The following TRIM2 variants were observed in gnomAD, a reference collection of about 807,000 sequenced individuals.
TRIM2 encodes the protein tripartite motif containing 2.
A neutral mutation model predicts 75.2 loss-of-function variants in TRIM2; 20 were observed. That is an observed-to-expected ratio of 0.27 (90% CI 0.19 to 0.39). The LOEUF is 0.39. Among genes scored for constraint, TRIM2 ranks in the 10% least tolerant of loss-of-function variants. TRIM2 has a pLI of 1.00. For missense variants in TRIM2, 660 were observed against 990.8 expected, an observed-to-expected ratio of 0.67 and a Z score of 4.48; for synonymous variants, 373 against 388.3, an observed-to-expected ratio of 0.96 and a Z score of 0.46.
At chr4:153,152,406 G>GTATA (rs1421478817), upstream of TRIM2, 230 of 33,610 alleles carry the variant, frequency 6.8e-3, no homozygotes, top group Middle Eastern at 0.014. Context: ...ATATATATGT[G>GTATA]TGTATATATA....
intron 8 of TRIM2, among the ~76,000 whole-genome samples, chr4:153,320,729 T>C (rs1341098517): frequency 1.3e-5 from 2 of 151,994 alleles, no homozygotes; most frequent in African/African-American, 4.8e-5. Context: ...ATCTCCCAGG[T>C]TCAAGTGATT....
chr4:153,221,899 G>A (rs796421606), intron 1 of TRIM2, among the ~76,000 whole-genome samples: 58 of 104,590 alleles, frequency 5.5e-4, no homozygotes, highest in East Asian at 2.3e-3. Context: ...AGGAAGGAGG[G>A]AGGAAGGAAG....
intron 3 of TRIM2, among the ~76,000 whole-genome samples, chr4:153,285,366 T>G (rs751270127): frequency 6.8e-4 from 104 of 152,224 alleles, no homozygotes; most frequent in Non-Finnish European, 1.2e-3. Flanking sequence ...AATTGGTAAC[T>G]ATGAGTCCTC....
At chr4:153,167,558 A>C (rs1197497239) in intron 1 of TRIM2, among the ~76,000 whole-genome samples, 1 of 152,228 alleles carries the variant, frequency 6.6e-6, no homozygotes, top group Non-Finnish European at 1.5e-5. Context: ...CTCAGTTTTC[A>C]TGTTTGACTT....
intron 6 of TRIM2, chr4:153,307,985 G>A (rs927981759): frequency 1.3e-6 from 1 of 759,498 alleles, no homozygotes; most frequent in African/African-American, 1.7e-5. Flanking sequence ...GAATACACTG[G>A]ACCAGGTTCA....
At chr4:153,154,514 C>A (rs1416597420) in intron 1 of TRIM2, among the ~76,000 whole-genome samples, 1 of 152,192 alleles carries the variant, frequency 6.6e-6, no homozygotes, top group African/African-American at 2.4e-5. Flanking sequence ...TAACTCCTAG[C>A]CTAAGAGATA....
At position 153,292,502 on chromosome 4, in the gene TRIM2, G is replaced by A. The variant is rs1215412749; in HGVS notation, c.454-480G>A. Among the ~76,000 whole-genome samples, 5 of 151,956 alleles carry A rather than the reference G, an allele frequency of 3.3e-5. 1 individual carries two copies. The highest frequency in any genetic ancestry group is 1.5e-5 in the Non-Finnish European group (1 of 67,990). ...AGACAGAGTCTCGCTATGTTTCCCA[G>A]GCTGGTCTTAACTCCTGGCCTCGAG... On this transcript the variant is annotated intron_variant, in intron 3 of 11. Coordinates refer to ENST00000338700, the MANE Select transcript of TRIM2 (RefSeq NM_015271.5).
intron 1 of TRIM2, among the ~76,000 whole-genome samples, chr4:153,210,418 C>T (rs1438030292): frequency 6.6e-6 from 1 of 152,140 alleles, no homozygotes; most frequent in Admixed American, 6.5e-5. Context: ...GCTGAGGAGT[C>T]TCTTTCGCAG....
chr4:153,326,133 T>C (rs1770109984), intron 10 of TRIM2, among the ~76,000 whole-genome samples: 1 of 152,224 alleles, frequency 6.6e-6, no homozygotes, highest in Admixed American at 6.5e-5. Flanking sequence ...AAATATTTAT[T>C]GTAAAAAGCA....
Position 153,322,712 on chromosome 4 carries a change from T to C in TRIM2, c.1847T>C (p.Ile616Thr). 6.2e-7 allele frequency: 1 copy of C among 1,614,222 alleles called. No homozygotes were observed. The highest frequency in any genetic ancestry group is 8.5e-7 in the Non-Finnish European group (1 of 1,180,040). ...KGVSVDRNGH[I>T]IVVDNKACCV... ...GTTTCTGTGGACCGCAATGGGCACA[T>C]TATTGTTGTGGACAACAAGGCGTGC... is the stretch of plus-strand genomic sequence containing the variant. The change falls in exon 9 of 12, where the codon ATT (isoleucine) becomes ACT (threonine). Residue 616 changes from isoleucine (I) to threonine (T), a missense_variant. Transcript: ENST00000338700.
chr4:153,190,858 ACCCC>A (rs1184682804), intron 1 of TRIM2, among the ~76,000 whole-genome samples: 7 of 151,918 alleles, frequency 4.6e-5, no homozygotes, highest in Non-Finnish European at 8.8e-5. Context: ...CTGCCTCAGC[ACCCC>A]GGGTAGCTGG....
chr4:153,180,814 AC>A (rs1166736340), intron 1 of TRIM2, among the ~76,000 whole-genome samples: 1 of 152,222 alleles, frequency 6.6e-6, no homozygotes, highest in Non-Finnish European at 1.5e-5. Flanking sequence ...TGGGAAAAGT[AC>A]TAACACTCCT....
At position 153,336,709 on chromosome 4, in the gene TRIM2, A is replaced by C; in HGVS notation, c.*1743A>C. ...TTAATTTATAATTCAGTCATTCTCT[A>C]TATAGGACTTCTTAAAATTTAGAAG... On this transcript the variant is annotated 3_prime_UTR_variant, in exon 12 of 12. Coordinates refer to ENST00000338700, the MANE Select transcript of TRIM2 (RefSeq NM_015271.5). 1 of 985,054 alleles carries C rather than the reference A, an allele frequency of 1.0e-6. No individual in the cohort carries two copies. Among genetic ancestry groups the C allele is most frequent in the Non-Finnish European group, 1.2e-6 (1 of 829,186 alleles). 61.0% of individuals were successfully genotyped at this position (985,054 alleles called of 1,614,324 possible). A position where few individuals can be genotyped will look rare whatever the true frequency, so the allele number is the denominator to read the frequency against.
Position 153,336,280 on chromosome 4 carries a change from T to A in TRIM2, c.*1314T>A. ...TAGTGGAGCAAGCCCTAAAGCAGAT[T>A]TAATTTTTGCCATTTTCCAAGAATG... On this transcript the variant is annotated 3_prime_UTR_variant, in exon 12 of 12. Coordinates refer to ENST00000338700, the MANE Select transcript of TRIM2 (RefSeq NM_015271.5). 1.0e-6 allele frequency: 1 copy of A among 985,330 alleles called. No individual in the cohort carries two copies. Among genetic ancestry groups the A allele is most frequent in the Non-Finnish European group, 1.2e-6 (1 of 829,848 alleles). The allele number at this position is 985,330 out of a possible 1,614,324, so 61.0% of individuals were successfully genotyped here. A position where few individuals can be genotyped will look rare whatever the true frequency, so the allele number is the denominator to read the frequency against.
rs1219273803 is a variant in TRIM2, at chr4:153,336,855, TA to T, written c.*1895del. ...ATATTTTTTTAGTTAGGTAGAGTTT[TA>T]AAAAATACTTGAGCCTGTCCGTGAT... is the stretch of plus-strand genomic sequence containing the variant. On this transcript the variant is annotated 3_prime_UTR_variant, in exon 12 of 12. Transcript: ENST00000338700. The T allele has an allele frequency of 1.0e-6, 1 of 985,268 alleles. No homozygotes were observed. The highest frequency in any genetic ancestry group is 1.2e-6 in the Non-Finnish European group (1 of 829,512). 61.0% of individuals were successfully genotyped at this position (985,268 alleles called of 1,614,324 possible).
chr4:153,261,547 T>A (rs1033554928), intron 1 of TRIM2, among the ~76,000 whole-genome samples: 1 of 152,196 alleles, frequency 6.6e-6, no homozygotes, highest in African/African-American at 2.4e-5. Flanking sequence ...TTTAGGATGA[T>A]GTATAATCAA....
intron 6 of TRIM2, chr4:153,307,659 A>G (rs1409389271): frequency 2.2e-6 from 1 of 462,082 alleles, no homozygotes; most frequent in Non-Finnish European, 4.1e-6. Flanking sequence ...CGTCATCCTC[A>G]CAGGAACAGC....
chr4:153,229,895 C>T (rs2149795773), intron 1 of TRIM2, among the ~76,000 whole-genome samples: 1 of 152,294 alleles, frequency 6.6e-6, no homozygotes, highest in Admixed American at 6.5e-5. Context: ...CGTTCAAGTC[C>T]CTTGGATAAA....
intron 1 of TRIM2, among the ~76,000 whole-genome samples, chr4:153,217,872 T>C (rs1165777910): frequency 6.6e-6 from 1 of 152,168 alleles, no homozygotes; most frequent in Non-Finnish European, 1.5e-5. Flanking sequence ...TGTACAAAGA[T>C]CATGAATAGG....
Sources: gnomAD v4.1 joint callset for allele counts (sites outside exome capture counted in the v4.1 genomes callset) on GRCh38, gnomAD v4.1.1 for gene constraint, MANE v1.5 for transcripts, NCBI Gene and HGNC (gene_info 2026-07-23, HGNC 2026-07-21) for gene names.